The following PACRG variants were observed in gnomAD, a reference collection of about 807,000 sequenced individuals.
PACRG encodes parkin coregulated.
In PACRG, 29 loss-of-function variants were observed where a neutral mutation model predicts 29.7. The ratio of observed to expected loss-of-function variants is 0.98; its 90% confidence interval spans 0.73 to 1.33. PACRG has a LOEUF of 1.33. PACRG is among the 40% of genes most tolerant of loss of function. The probability of loss-of-function intolerance (pLI) is 0.00; values close to 1 mark genes in which losing one functional copy is unlikely to be tolerated. For synonymous variants in PACRG, 116 were observed against 118.7 expected (o/e 0.98, Z 0.15); for missense variants, 279 against 316.2 (o/e 0.88, Z 0.89).
chr6:163,223,621 C>G (rs957699508), intron 4 of PACRG, among the ~76,000 whole-genome samples: 1 of 152,074 alleles, frequency 6.6e-6, no homozygotes, highest in Non-Finnish European at 1.5e-5. Flanking sequence ...AAGAAGAAGC[C>G]TAAATCAAGG....
At chr6:163,294,812 A>C (rs528880160) in intron 4 of PACRG, among the ~76,000 whole-genome samples, 1 of 152,216 alleles carries the variant, frequency 6.6e-6, no homozygotes, top group Admixed American at 6.5e-5. Flanking sequence ...GTCCATTATA[A>C]AGAAATGTTT....
intron 4 of PACRG, among the ~76,000 whole-genome samples, chr6:163,109,932 A>C (rs969630514): frequency 2.0e-5 from 3 of 152,358 alleles, no homozygotes; most frequent in Admixed American, 6.5e-5. Context: ...TATCAGTTTC[A>C]TGGAGATGGC....
intron 2 of PACRG, among the ~76,000 whole-genome samples, chr6:162,834,635 G>A (rs1423363159): frequency 6.6e-6 from 1 of 151,472 alleles, no homozygotes; most frequent in African/African-American, 2.4e-5. Context: ...AGGGTATCTA[G>A]TTATGCCTCA....
chr6:162,855,591 C>T (rs1562667730), intron 2 of PACRG, among the ~76,000 whole-genome samples: 1 of 151,980 alleles, frequency 6.6e-6, no homozygotes, highest in African/African-American at 2.4e-5. Flanking sequence ...AAATATGGTA[C>T]GAGACAACAG....
chr6:163,176,826 C>T (rs572742170), intron 4 of PACRG, among the ~76,000 whole-genome samples: 8 of 152,008 alleles, frequency 5.3e-5, no homozygotes, highest in South Asian at 4.2e-4. Context: ...AATTTGCAGC[C>T]GAAGTTGCAT....
intron 4 of PACRG, among the ~76,000 whole-genome samples, chr6:163,185,579 A>T (rs781307891): frequency 1.3e-5 from 2 of 152,236 alleles, no homozygotes; most frequent in Non-Finnish European, 2.9e-5. Flanking sequence ...TTGAGTGCCC[A>T]CAATATAAAT....
intron 1 of PACRG, among the ~76,000 whole-genome samples, chr6:162,768,226 G>A (rs1164597542): frequency 2.0e-5 from 3 of 151,972 alleles, no homozygotes; most frequent in Admixed American, 2.0e-4. Context: ...TAAATATTCT[G>A]GGTATGTAAT....
intron 4 of PACRG, among the ~76,000 whole-genome samples, chr6:163,227,571 A>T (rs1781855841): frequency 6.6e-6 from 1 of 152,238 alleles, no homozygotes. Context: ...GCCGTCCTTC[A>T]TGAAGGAGCA....
chr6:162,897,230 A>G (rs1458283280), intron 2 of PACRG, among the ~76,000 whole-genome samples: 1 of 152,286 alleles, frequency 6.6e-6, no homozygotes, highest in Non-Finnish European at 1.5e-5. Context: ...TGAAGCTGAA[A>G]GTAACTTTTT....
chr6:162,727,709 C>G (rs1174302901), upstream of PACRG: 9 of 1,558,018 alleles, frequency 5.8e-6, no homozygotes, highest in South Asian at 7.1e-5. Flanking sequence ...GGAACAGGCC[C>G]ATGCGCGCAG....
chr6:163,216,959 T>C (rs907734695), intron 4 of PACRG, among the ~76,000 whole-genome samples: 2 of 152,252 alleles, frequency 1.3e-5, no homozygotes, highest in East Asian at 3.8e-4. Context: ...TGATCGTTTA[T>C]ACTTGCTGTA....
intron 4 of PACRG, among the ~76,000 whole-genome samples, chr6:163,304,043 A>G (rs1041488176): frequency 1.3e-5 from 2 of 150,034 alleles, no homozygotes; most frequent in Non-Finnish European, 3.0e-5. Flanking sequence ...AAAAAAGTAA[A>G]TGGGATAATC....
chr6:163,178,736 C>T (rs544855605), intron 4 of PACRG, among the ~76,000 whole-genome samples: 10 of 152,280 alleles, frequency 6.6e-5, no homozygotes, highest in African/African-American at 1.7e-4. Flanking sequence ...CCAGGCTCCC[C>T]GGTGGCTGCC....
intron 2 of PACRG, among the ~76,000 whole-genome samples, chr6:163,059,764 C>T (rs1335212827): frequency 2.0e-5 from 3 of 152,122 alleles, no homozygotes; most frequent in South Asian, 2.1e-4. Context: ...TTCTTCCAGT[C>T]GCTTGAGGAT....
chr6:162,857,768 G>GTTT (rs34674869), intron 2 of PACRG, among the ~76,000 whole-genome samples: 12 of 146,720 alleles, frequency 8.2e-5, no homozygotes, highest in African/African-American at 2.7e-4. Flanking sequence ...CATTTGCTCT[G>GTTT]TTTTTTTTTT....
intron 1 of PACRG, among the ~76,000 whole-genome samples, chr6:162,764,801 T>C (rs1288900375): frequency 6.6e-6 from 1 of 151,704 alleles, no homozygotes; most frequent in African/African-American, 2.4e-5. Context: ...TGGAGTGCAG[T>C]GGCATGATCT....
intron 4 of PACRG, among the ~76,000 whole-genome samples, chr6:163,293,814 C>T (rs1211144217): frequency 1.3e-5 from 2 of 151,732 alleles, no homozygotes; most frequent in African/African-American, 2.4e-5. Context: ...GGAAACTAAA[C>T]AAAAATCCAG....
intron 4 of PACRG, among the ~76,000 whole-genome samples, chr6:163,213,890 T>G (rs937666228): frequency 5.3e-5 from 8 of 152,176 alleles, no homozygotes; most frequent in Non-Finnish European, 8.8e-5. Context: ...GATAAAGATC[T>G]AGCTGTACAT....
intron 4 of PACRG, among the ~76,000 whole-genome samples, chr6:163,297,221 A>T (rs1295408576): frequency 6.6e-6 from 1 of 152,218 alleles, no homozygotes; most frequent in Admixed American, 6.5e-5. Context: ...AAATCACCAG[A>T]CCTCAAAACA....
Sources: gnomAD v4.1 joint callset for allele counts (sites outside exome capture counted in the v4.1 genomes callset) on GRCh38, gnomAD v4.1.1 for gene constraint, MANE v1.5 for transcripts, NCBI Gene and HGNC (gene_info 2026-07-23, HGNC 2026-07-21) for gene names.